PPARGC1B: variants seen among roughly 807,000 people sequenced by gnomAD.
The protein encoded by PPARGC1B is peroxisome proliferator-activated receptor gamma coactivator 1-beta.
PPARGC1B carries 34 observed loss-of-function variants against 101.6 expected under a neutral mutation model. The observed-to-expected ratio is 0.33, with a 90% CI of 0.25 to 0.45. The LOEUF (loss-of-function observed/expected upper bound fraction) is 0.45. Among genes scored for constraint, PPARGC1B ranks in the 20% least tolerant of loss-of-function variants. The pLI, the probability that PPARGC1B is intolerant of heterozygous loss-of-function variation, is 1.00. For missense variants in PPARGC1B, 1,234 were observed against 1,317.6 expected (o/e 0.94, Z 0.98); for synonymous variants, 548 against 539.3 (o/e 1.02, Z -0.22).
At chr5:149,821,429 G>T (rs1011690067) in intron 2 of PPARGC1B, among the ~76,000 whole-genome samples, 3 of 151,642 alleles carry the variant, frequency 2.0e-5, no homozygotes, top group African/African-American at 7.2e-5. Flanking sequence ...GGATTTGCAT[G>T]TGTGGGTGGG....
chr5:149,764,138 T>A (rs1755820204), intron 1 of PPARGC1B, among the ~76,000 whole-genome samples: 1 of 151,458 alleles, frequency 6.6e-6, no homozygotes, highest in Non-Finnish European at 1.5e-5. Context: ...GAACTTCTAT[T>A]TGAGTCCTTC....
chr5:149,844,372 G>A (rs1226960359), intron 10 of PPARGC1B, among the ~76,000 whole-genome samples: 3 of 152,206 alleles, frequency 2.0e-5, no homozygotes, highest in African/African-American at 7.2e-5. Flanking sequence ...AGAAGGGTCC[G>A]GGCATGGTGG....
intron 9 of PPARGC1B, among the ~76,000 whole-genome samples, chr5:149,841,767 G>C (rs374766599): frequency 6.6e-6 from 1 of 152,126 alleles, no homozygotes; most frequent in Non-Finnish European, 1.5e-5. Context: ...TGAAGGTGAC[G>C]CCTTGGTGAC....
chr5:149,842,654 C>T (rs552535262), intron 10 of PPARGC1B, among the ~76,000 whole-genome samples: 1 of 152,258 alleles, frequency 6.6e-6, no homozygotes, highest in Non-Finnish European at 1.5e-5. Flanking sequence ...CACTCCTGGT[C>T]TTTCAATTGC....
Position 149,836,547 on chromosome 5 carries a change from C to T in PPARGC1B, c.2092C>T (p.Leu698Phe). Residue 698 changes from leucine to phenylalanine, a missense_variant, in exon 8 of 12, where the codon CTC (leucine) becomes TTC (phenylalanine). Leu to Phe is a conservative substitution (Grantham distance 22, BLOSUM62 0). This residue lies in a region of PPARGC1B where 497 missense variants were observed against 529.5 expected (regional missense o/e 0.94). Transcript: ENST00000309241. ...TGGAGACCATGACTACTGCCAGGTG[C>T]TCCGACCAGAAGGCGTCCTGCAAAG... is the stretch of plus-strand genomic sequence containing the variant. ...SFGDHDYCQVLRPEGVLQRKV... is the reference protein window; with the variant it reads ...SFGDHDYCQVFRPEGVLQRKV... 4 of 1,613,998 alleles carry T rather than the reference C, an allele frequency of 2.5e-6. No individual in the cohort carries two copies. Among genetic ancestry groups the T allele is most frequent in the Non-Finnish European group, 3.4e-6 (4 of 1,180,052 alleles).
chr5:149,750,384 C>A (rs180815163), intron 1 of PPARGC1B, among the ~76,000 whole-genome samples: 118 of 149,516 alleles, frequency 7.9e-4, no homozygotes, highest in Non-Finnish European at 1.5e-3. Flanking sequence ...ATTATTTTAT[C>A]CACCTTGAAT....
chr5:149,805,356 G>A (rs765594721), intron 1 of PPARGC1B, among the ~76,000 whole-genome samples: 1 of 152,184 alleles, frequency 6.6e-6, no homozygotes, highest in Admixed American at 6.5e-5. Flanking sequence ...GTGTATATGA[G>A]TTTATGCAAA....
Position 149,851,063 on chromosome 5 carries a change from C to G in PPARGC1B, c.*3505C>G, listed in dbSNP as rs569305714. 1 of 152,144 alleles carries G rather than the reference C, an allele frequency of 6.6e-6. No individual in the cohort carries two copies. The highest frequency in any genetic ancestry group is 2.1e-4 in the South Asian group (1 of 4,814). The allele number at this position is 152,144 out of a possible 1,614,324, so 9.4% of individuals were successfully genotyped here. A position where few individuals can be genotyped will look rare whatever the true frequency, so the allele number is the denominator to read the frequency against. ...CTGCATCTGCCTTGAAATCTTGCAG[C>G]ATGGAGTGTCATATGTACTCAGGAG... On this transcript the variant is annotated 3_prime_UTR_variant, in exon 12 of 12. Transcript: ENST00000309241.
intron 1 of PPARGC1B, among the ~76,000 whole-genome samples, chr5:149,765,086 G>T (rs1755857536): frequency 6.6e-6 from 1 of 151,888 alleles, no homozygotes; most frequent in African/African-American, 2.4e-5. Context: ...CCTGGGGTGG[G>T]CTTCTTCTCA....
chr5:149,760,586 AGAG>A (rs1434887654), intron 1 of PPARGC1B, among the ~76,000 whole-genome samples: 3 of 152,256 alleles, frequency 2.0e-5, no homozygotes, highest in African/African-American at 7.2e-5. Flanking sequence ...CAGCAAGTGT[AGAG>A]AAGGCAGGGA....
chr5:149,811,960 T>C (rs1209069675), intron 1 of PPARGC1B, among the ~76,000 whole-genome samples: 1 of 152,204 alleles, frequency 6.6e-6, no homozygotes, highest in African/African-American at 2.4e-5. Flanking sequence ...CCCCATCTTC[T>C]TCTCTGGACT....
At chr5:149,733,780 G>C (rs1754589053) in intron 1 of PPARGC1B, among the ~76,000 whole-genome samples, 1 of 152,182 alleles carries the variant, frequency 6.6e-6, no homozygotes, top group Admixed American at 6.5e-5. Context: ...ACTAAATATG[G>C]GCTATTTGAA....
At chr5:149,826,198 C>T (rs899586574) in intron 2 of PPARGC1B, among the ~76,000 whole-genome samples, 4 of 152,158 alleles carry the variant, frequency 2.6e-5, no homozygotes, top group South Asian at 4.1e-4. Context: ...ATAGCTGCCT[C>T]GTCACTGCTG....
rs541958434 is a variant in PPARGC1B at position 149,848,595 on chromosome 5, C to T, written c.*1037C>T. The stretch of plus-strand genomic sequence containing the variant: ...AGGGGTTACATTAGGTGTTGATTCA[C>T]CAGCATCAGGTGAATTCAAGCCCTG... On this transcript the variant is annotated 3_prime_UTR_variant, in exon 12 of 12. Transcript: ENST00000309241. 3 of 152,354 alleles carry T rather than the reference C, an allele frequency of 2.0e-5. No homozygotes were observed. The highest frequency in any genetic ancestry group is 7.2e-5 in the African/African-American group (3 of 41,574). 9.4% of individuals were successfully genotyped at this position (152,354 alleles called of 1,614,324 possible). A position where few individuals can be genotyped will look rare whatever the true frequency, so the allele number is the denominator to read the frequency against.
intron 1 of PPARGC1B, among the ~76,000 whole-genome samples, chr5:149,783,962 G>A (rs1394423180): frequency 6.6e-6 from 1 of 152,066 alleles, no homozygotes. Context: ...GCAGGCATGC[G>A]TGTACATACA....
intron 1 of PPARGC1B, among the ~76,000 whole-genome samples, chr5:149,773,054 TG>T (rs1205391188): frequency 6.6e-6 from 1 of 152,146 alleles, no homozygotes; most frequent in Admixed American, 6.5e-5. Flanking sequence ...GTATGATGCT[TG>T]GTGTTTGTGA....
chr5:149,772,014 C>T (rs1364035424), intron 1 of PPARGC1B: 7 of 1,474,870 alleles, frequency 4.7e-6, no homozygotes, highest in East Asian at 2.5e-5. Flanking sequence ...GAAGCAGGCT[C>T]AGAGAAGTGA....
At chr5:149,744,030 A>C (rs1754999690) in intron 1 of PPARGC1B, among the ~76,000 whole-genome samples, 1 of 152,126 alleles carries the variant, frequency 6.6e-6, no homozygotes, top group South Asian at 2.1e-4. Flanking sequence ...TGACCCACCC[A>C]CTTACTCCAG....
Position 149,819,905 on chromosome 5 carries a change from G to A in PPARGC1B, c.79-528G>A, listed in dbSNP as rs971023130. 3.9e-5 allele frequency among the ~76,000 whole-genome samples: 6 copies of A among 152,186 alleles called. No homozygotes were observed. In the South Asian group the frequency reaches 1.0e-3, roughly 26 times the overall value. On this transcript the variant is annotated intron_variant, in intron 1 of 11. Coordinates refer to ENST00000309241, the MANE Select transcript of PPARGC1B (RefSeq NM_133263.4). ...TTATGTTCATCATATATGTTCCATC[G>A]TATATTACATCATATATGTAATTTT...
Sources: allele counts gnomAD v4.1 joint callset (sites outside exome capture counted in the v4.1 genomes callset), GRCh38; gene constraint gnomAD v4.1.1; regional missense constraint gnomAD v4.1.1; transcripts MANE v1.5; gene names NCBI Gene and HGNC (gene_info 2026-07-23, HGNC 2026-07-21).